Variants in SGCZ observed in about 807,000 individuals in gnomAD.
SGCZ encodes sarcoglycan zeta.
Under a neutral mutation model 41.3 loss-of-function variants are expected in SGCZ, and 40 were observed. The ratio of observed to expected loss-of-function variants is 0.97; its 90% confidence interval spans 0.75 to 1.26. SGCZ has a LOEUF of 1.26. Among genes scored for constraint, SGCZ ranks in the 50% most tolerant of loss-of-function variants. SGCZ has a pLI of 0.00. For synonymous variants in SGCZ, 206 were observed against 137.5 expected, an observed-to-expected ratio of 1.50 and a Z score of -3.49; for missense variants, 552 against 369.8, an observed-to-expected ratio of 1.49 and a Z score of -4.04.
Position 15,093,021 on chromosome 8 carries a change from G to T in SGCZ, c.39+144564C>A, listed in dbSNP as rs1323413982. ...CGCTTTTAGTATCACACTCCCTAGG[G>T]CGTCATTAGAACTTTTCTGAAAGTG... On this transcript the variant is annotated intron_variant, in intron 1 of 7. Transcript: ENST00000382080. Among the ~76,000 whole-genome samples, 5 of 152,106 alleles carry T rather than the reference G, an allele frequency of 3.3e-5. 1 individual carries two copies. The South Asian group carries it at 6.2e-4, about 19-fold the overall frequency.
chr8:14,701,070 G>A (rs937405446), intron 1 of SGCZ, among the ~76,000 whole-genome samples: 5 of 151,976 alleles, frequency 3.3e-5, no homozygotes, highest in Admixed American at 2.6e-4. Flanking sequence ...AGTAGGAACT[G>A]GAGTGTTGCG....
intron 1 of SGCZ, among the ~76,000 whole-genome samples, chr8:14,820,140 A>T (rs572370697): frequency 1.8e-4 from 28 of 152,144 alleles, no homozygotes; most frequent in Non-Finnish European, 3.8e-4. Flanking sequence ...CAAGAGACTC[A>T]CCTAATAATT....
rs190949241 is a variant in SGCZ at position 14,192,050 on chromosome 8, C to T, written c.425-27348G>A. 2.6e-5 allele frequency among the ~76,000 whole-genome samples: 4 copies of T among 151,990 alleles called. No homozygotes were observed. In the East Asian group the frequency reaches 7.7e-4, roughly 29 times the overall value. ...AGGAGGTAATACAAAATTCTTATGA[C>T]CTGTAGAAAAATGTCATTTAATCAA... On this transcript the variant is annotated intron_variant, in intron 4 of 7. Coordinates refer to ENST00000382080, the MANE Select transcript of SGCZ (RefSeq NM_139167.4).
At chr8:14,787,539 T>A (rs142569379) in intron 1 of SGCZ, among the ~76,000 whole-genome samples, 1 of 152,098 alleles carries the variant, frequency 6.6e-6, no homozygotes, top group African/African-American at 2.4e-5. Context: ...CTGAGTTTTA[T>A]CCTAATTAAG....
At chr8:14,100,134 ATGCTGTTTTAAG>A (rs1331531493) in intron 7 of SGCZ, among the ~76,000 whole-genome samples, 1 of 152,052 alleles carries the variant, frequency 6.6e-6, no homozygotes, top group East Asian at 1.9e-4. Context: ...GGAAAAATAC[ATGCTGTTTTAAG>A]TGCTGTGCCT....
chr8:15,070,281 C>T (rs886651775), intron 1 of SGCZ, among the ~76,000 whole-genome samples: 2 of 152,090 alleles, frequency 1.3e-5, no homozygotes, highest in Non-Finnish European at 2.9e-5. Context: ...TTTCATTTTA[C>T]CATGAGAGCT....
At chr8:15,077,237 T>C (rs1389540622) in intron 1 of SGCZ, among the ~76,000 whole-genome samples, 1 of 152,176 alleles carries the variant, frequency 6.6e-6, no homozygotes, top group African/African-American at 2.4e-5. Flanking sequence ...TAAGTACAAT[T>C]ATAAAACCAT....
At chr8:14,394,687 G>A (rs536217538) in intron 2 of SGCZ, among the ~76,000 whole-genome samples, 47 of 152,072 alleles carry the variant, frequency 3.1e-4, no homozygotes, top group Non-Finnish European at 6.3e-4. Flanking sequence ...CTACCACTGT[G>A]GTAGTAAAGA....
At chr8:15,166,791 G>A (rs268407) in intron 1 of SGCZ, among the ~76,000 whole-genome samples, 132,953 of 152,186 alleles carry the variant, frequency 0.87, 58,089 homozygotes, top group East Asian at 0.9. Flanking sequence ...TCCTCTTCAA[G>A]GGTGGTTTAT....
Position 14,640,091 on chromosome 8 carries a change from G to A in SGCZ, c.40-85165C>T, listed in dbSNP as rs183763175. 2.3e-4 allele frequency among the ~76,000 whole-genome samples: 35 copies of A among 151,670 alleles called. No homozygotes were observed. In the East Asian group the frequency reaches 5.3e-3, roughly 23 times the overall value. ...TACAATGATAACATATACTTTAAGT[G>A]CTTTTCCCCTATATTTACTACTTTA... On this transcript the variant is annotated intron_variant, in intron 1 of 7. Coordinates refer to ENST00000382080, the MANE Select transcript of SGCZ (RefSeq NM_139167.4).
At chr8:14,782,310 G>C (rs545284803) in intron 1 of SGCZ, among the ~76,000 whole-genome samples, 9 of 152,154 alleles carry the variant, frequency 5.9e-5, no homozygotes, top group Admixed American at 1.3e-4. Context: ...AGTGTACTTT[G>C]TGTGCAGTAA....
At chr8:15,102,744 G>A (rs1178010548) in intron 1 of SGCZ, among the ~76,000 whole-genome samples, 2 of 152,134 alleles carry the variant, frequency 1.3e-5, no homozygotes, top group Non-Finnish European at 2.9e-5. Flanking sequence ...GCACCAATTT[G>A]TGTATGGAGA....
chr8:14,169,192 G>T (rs1407738775), intron 4 of SGCZ, among the ~76,000 whole-genome samples: 4 of 152,014 alleles, frequency 2.6e-5, no homozygotes, highest in African/African-American at 9.7e-5. Flanking sequence ...ATATTTGGGG[G>T]AACTTTTTTG....
At position 14,090,567 on chromosome 8, in the gene SGCZ, C is replaced by A; in HGVS notation, c.815G>T (p.Ser272Ile). 4 of 1,612,958 alleles carry A rather than the reference C, an allele frequency of 2.5e-6. No individual in the cohort carries two copies. Among genetic ancestry groups the A allele is most frequent in the Non-Finnish European group, 3.4e-6 (4 of 1,179,432 alleles). ...PTGSFSSSSP[S>I]SSSSRQTVYE... is the part of the protein sequence containing the mutation. ...CACTGTCTGTCGAGAACTTGAGGAGCTGGGTGAAGAAGATGAGAAGGAGCC... is the reference window on the plus strand; with the variant it reads ...CACTGTCTGTCGAGAACTTGAGGAGATGGGTGAAGAAGATGAGAAGGAGCC... The change falls in exon 8 of 8, where the codon AGC becomes ATC. Residue 272 changes from serine to isoleucine, a missense_variant. Physicochemically the swap from Ser to Ile is moderately radical, Grantham distance 142. Coordinates refer to ENST00000382080, the MANE Select transcript of SGCZ (RefSeq NM_139167.4).
At chr8:14,217,757 G>A (rs1806051861) in intron 4 of SGCZ, among the ~76,000 whole-genome samples, 1 of 147,752 alleles carries the variant, frequency 6.8e-6, no homozygotes, top group Non-Finnish European at 1.5e-5. Context: ...AGCCTCCAAA[G>A]TAGCTGCGAT....
chr8:14,528,308 G>A (rs1370009804), intron 2 of SGCZ, among the ~76,000 whole-genome samples: 1 of 152,100 alleles, frequency 6.6e-6, no homozygotes, highest in African/African-American at 2.4e-5. Flanking sequence ...TGGGATATGA[G>A]AAAGCATGCG....
chr8:15,090,916 C>T (rs1439771548), intron 1 of SGCZ, among the ~76,000 whole-genome samples: 1 of 152,154 alleles, frequency 6.6e-6, no homozygotes, highest in Non-Finnish European at 1.5e-5. Flanking sequence ...GTGCATCTTT[C>T]TTTATTGAGG....
At chr8:14,845,253 C>A (rs893591027) in intron 1 of SGCZ, among the ~76,000 whole-genome samples, 1 of 152,136 alleles carries the variant, frequency 6.6e-6, no homozygotes, top group African/African-American at 2.4e-5. Flanking sequence ...ACAGATGCAT[C>A]TTGTCTCAGT....
chr8:14,681,409 G>A (rs547725062), intron 1 of SGCZ, among the ~76,000 whole-genome samples: 5 of 152,114 alleles, frequency 3.3e-5, no homozygotes, highest in Non-Finnish European at 5.9e-5. Flanking sequence ...ATAGAAATAG[G>A]ACTTTTAGAA....
Sources: gnomAD v4.1 joint callset for allele counts (sites outside exome capture counted in the v4.1 genomes callset) on GRCh38, gnomAD v4.1.1 for gene constraint, MANE v1.5 for transcripts, NCBI Gene and HGNC (gene_info 2026-07-23, HGNC 2026-07-21) for gene names.